The following DOCK2 variants were observed in gnomAD, a reference collection of about 807,000 sequenced individuals.
The protein encoded by DOCK2 is dedicator of cytokinesis protein 2.
DOCK2 carries 87 observed loss-of-function variants against 248.9 expected under a neutral mutation model. The ratio of observed to expected loss-of-function variants is 0.35; its 90% CI spans 0.29 to 0.42. The LOEUF is 0.42. Among genes scored for constraint, DOCK2 ranks in the 10% least tolerant of loss-of-function variants. DOCK2 has a pLI of 1.00. For missense variants in DOCK2, 1,747 were observed against 2,300.2 expected (o/e 0.76, Z 4.92); for synonymous variants, 805 against 821.6 (o/e 0.98, Z 0.35).
intron 50 of DOCK2, 133 bp from the exon 51 acceptor site, chr5:170,081,709 T>C: frequency 9.6e-7 from 1 of 1,045,684 alleles, no homozygotes; most frequent in East Asian, 2.7e-5. Context: ...GCATCCTGCC[T>C]CCTGCTTGGC....
At chr5:169,684,468 G>A in intron 8 of DOCK2, 118 bp downstream of exon 8, 2 of 1,319,134 alleles carry the variant, frequency 1.5e-6, no homozygotes, top group Admixed American at 2.3e-5. Flanking sequence ...CTGCACCTGA[G>A]TGAGAATGTG....
chr5:169,979,650 G>A (rs1226347563), intron 27 of DOCK2, among the ~76,000 whole-genome samples: 1 of 152,186 alleles, frequency 6.6e-6, no homozygotes, highest in Non-Finnish European at 1.5e-5. Context: ...CTAGTCAGAA[G>A]TAAAACACTG....
intron 1 of DOCK2, among the ~76,000 whole-genome samples, chr5:169,639,590 A>T (rs1757039159): frequency 6.6e-6 from 1 of 152,238 alleles, no homozygotes; most frequent in Admixed American, 6.5e-5. Context: ...TTCGGTGATC[A>T]GGTCCACCTT....
chr5:170,022,717 G>A (rs910270687), intron 33 of DOCK2, among the ~76,000 whole-genome samples: 1 of 151,800 alleles, frequency 6.6e-6, no homozygotes, highest in Admixed American at 6.6e-5. Context: ...GTCCCACACA[G>A]CACAATTACC....
chr5:169,927,669 T>C (rs1173952885), intron 27 of DOCK2, among the ~76,000 whole-genome samples: 1 of 152,220 alleles, frequency 6.6e-6, no homozygotes, highest in Non-Finnish European at 1.5e-5. Flanking sequence ...CAGGCTGGAG[T>C]GCAGTGGCAC....
At chr5:169,933,775 T>G (rs979633141) in intron 27 of DOCK2, among the ~76,000 whole-genome samples, 1 of 152,080 alleles carries the variant, frequency 6.6e-6, no homozygotes, top group Non-Finnish European at 1.5e-5. Flanking sequence ...TTGCCTTCCC[T>G]TCTTGGATTT....
intron 21 of DOCK2, among the ~76,000 whole-genome samples, chr5:169,718,094 G>A (rs942122548): frequency 3.3e-5 from 5 of 151,938 alleles, no homozygotes; most frequent in South Asian, 2.1e-4. Flanking sequence ...CAAAAACAGC[G>A]GGGGAGCTAC....
chr5:169,667,545 G>A (rs926039218), intron 2 of DOCK2, among the ~76,000 whole-genome samples: 2 of 152,222 alleles, frequency 1.3e-5, no homozygotes, highest in African/African-American at 4.8e-5. Flanking sequence ...TTTCTGTCTA[G>A]TTGGTGAAAA....
intron 41 of DOCK2, 80 bp from the exon 42 acceptor site, chr5:170,055,225 A>G: frequency 1.4e-6 from 2 of 1,395,458 alleles, no homozygotes; most frequent in Non-Finnish European, 2.0e-6. Flanking sequence ...GCTGGCCTGG[A>G]AGGTCTCAGC....
intron 27 of DOCK2, among the ~76,000 whole-genome samples, chr5:169,893,933 A>G (rs969842661): frequency 6.6e-6 from 1 of 152,176 alleles, no homozygotes; most frequent in Admixed American, 6.5e-5. Context: ...TACACTTGAC[A>G]ATCTCTTCCT....
chr5:169,771,198 A>G (rs1765067258), intron 25 of DOCK2, among the ~76,000 whole-genome samples: 1 of 152,230 alleles, frequency 6.6e-6, no homozygotes, highest in Non-Finnish European at 1.5e-5. Context: ...CTTGATCACC[A>G]GTAATGCTGA....
intron 27 of DOCK2, among the ~76,000 whole-genome samples, chr5:169,844,706 A>C (rs1416409722): frequency 6.7e-6 from 1 of 148,656 alleles, no homozygotes; most frequent in Non-Finnish European, 1.5e-5. Context: ...ATGATGAATG[A>C]TATTGATCAC....
rs140063108 is a variant in DOCK2 at position 169,924,850 on chromosome 5, G to A, written c.2800-58218G>A. Among the ~76,000 whole-genome samples the A allele has an allele frequency of 1.1e-3, 163 of 152,216 alleles. 1 individual carries two copies. Among genetic ancestry groups the A allele is most frequent in the African/African-American group, 3.7e-3 (155 of 41,512 alleles). On this transcript the variant is annotated intron_variant, in intron 27 of 51. Transcript: ENST00000520908. ...AGGTAGGCATATTGTCAAAGATTGAGCTGCAGTTTTTCAATTTGTGACTTC... is the reference window on the plus strand; with the variant it reads ...AGGTAGGCATATTGTCAAAGATTGAACTGCAGTTTTTCAATTTGTGACTTC...
rs1464998332 is a variant in DOCK2 at position 170,050,327 on chromosome 5, G to T, written c.4143G>T (p.Gln1381His). 1.2e-5 allele frequency: 20 copies of T among 1,614,206 alleles called. No individual in the cohort carries two copies. Among genetic ancestry groups the T allele is most frequent in the Non-Finnish European group, 1.7e-5 (20 of 1,180,020 alleles). Residue 1381 changes from glutamine to histidine, a missense_variant, in exon 41 of 52, where the codon CAG becomes CAT. By Grantham distance (24) the Gln-to-His change is conservative (BLOSUM62 0). Transcript: ENST00000520908. ...REDFQMQLMT[Q>H]FPNAEKMNTT... Reference sequence around the variant, plus strand: ...ATTTCCAGATGCAGCTGATGACCCAGTTCCCCAATGCAGAGAAGATGAACA... The same window carrying T: ...ATTTCCAGATGCAGCTGATGACCCATTTCCCCAATGCAGAGAAGATGAACA...
chr5:169,685,455 G>A (rs1242554865), intron 8 of DOCK2, among the ~76,000 whole-genome samples: 2 of 152,170 alleles, frequency 1.3e-5, no homozygotes, highest in African/African-American at 4.8e-5. Context: ...TGGGGTTTTA[G>A]CCCAAGACAT....
intron 27 of DOCK2, among the ~76,000 whole-genome samples, chr5:169,901,074 C>T (rs1173790907): frequency 6.6e-6 from 1 of 151,900 alleles, no homozygotes; most frequent in Non-Finnish European, 1.5e-5. Flanking sequence ...AAATAGAGGC[C>T]GGTGGGAGAA....
chr5:169,666,446 A>G (rs1413798550), intron 2 of DOCK2, among the ~76,000 whole-genome samples: 1 of 152,164 alleles, frequency 6.6e-6, no homozygotes, highest in Non-Finnish European at 1.5e-5. Context: ...GTTGAATTCA[A>G]AAGAGTGTTG....
chr5:170,074,186 T>A (rs1202806149), intron 46 of DOCK2, among the ~76,000 whole-genome samples: 1 of 152,214 alleles, frequency 6.6e-6, no homozygotes, highest in Non-Finnish European at 1.5e-5. Flanking sequence ...GGATCTTTTC[T>A]GTTCCTATAT....
At chr5:169,961,356 T>A (rs1159871651) in intron 27 of DOCK2, among the ~76,000 whole-genome samples, 1 of 152,258 alleles carries the variant, frequency 6.6e-6, no homozygotes, top group Non-Finnish European at 1.5e-5. Context: ...AGAATTAAAT[T>A]GAATTGCCTA....
Sources: allele counts gnomAD v4.1 joint callset (sites outside exome capture counted in the v4.1 genomes callset), GRCh38; gene constraint gnomAD v4.1.1; transcripts MANE v1.5; gene names NCBI Gene and HGNC (gene_info 2026-07-23, HGNC 2026-07-21).